Variants in CSTPP1 observed in about 807,000 individuals in gnomAD.
CSTPP1 encodes centriolar satellite-associated tubulin polyglutamylase complex regulator 1, also known as UPF0705 protein C11orf49.
the CSTPP1 span, among the ~76,000 whole-genome samples, chr11:46,989,776 GT>G: frequency 6.6e-6 from 1 of 151,046 alleles, no homozygotes; most frequent in South Asian, 2.1e-4. Flanking sequence ...CCAATAGGTA[GT>G]TTTTGACCCA....
the CSTPP1 span, among the ~76,000 whole-genome samples, chr11:47,114,714 G>A: frequency 6.6e-6 from 1 of 152,206 alleles, no homozygotes; most frequent in African/African-American, 2.4e-5. Context: ...TTGCTGATCA[G>A]CTTAAAGAGA....
At chr11:47,079,899 G>A in the CSTPP1 span, among the ~76,000 whole-genome samples, 1 of 149,792 alleles carries the variant, frequency 6.7e-6, no homozygotes, top group South Asian at 2.1e-4. Context: ...TTCGAGACCA[G>A]CCTGACCAAC....
chr11:47,029,583 T>G, the CSTPP1 span, among the ~76,000 whole-genome samples: 2 of 151,326 alleles, frequency 1.3e-5, no homozygotes, highest in Non-Finnish European at 1.5e-5. Context: ...GCCACTGCGC[T>G]CCAGCCTGGG....
chr11:47,064,586 C>T, the CSTPP1 span, among the ~76,000 whole-genome samples: 1 of 152,140 alleles, frequency 6.6e-6, no homozygotes, highest in Non-Finnish European at 1.5e-5. Flanking sequence ...CCTTTCTCCC[C>T]TTGAATGGTA....
the CSTPP1 span, among the ~76,000 whole-genome samples, chr11:47,103,055 T>C: frequency 1.4e-5 from 2 of 139,648 alleles, no homozygotes; most frequent in Non-Finnish European, 3.1e-5. Flanking sequence ...TTGGAGAGAG[T>C]GTGGCCCCAA....
At chr11:46,940,587 A>G in the CSTPP1 span, among the ~76,000 whole-genome samples, 1 of 152,186 alleles carries the variant, frequency 6.6e-6, no homozygotes, top group Non-Finnish European at 1.5e-5. Flanking sequence ...TTTTAAATGA[A>G]GTTGAGTGCC....
chr11:46,965,105 G>T, the CSTPP1 span, among the ~76,000 whole-genome samples: 1 of 151,696 alleles, frequency 6.6e-6, no homozygotes, highest in Non-Finnish European at 1.5e-5. Flanking sequence ...GGGACAAGTG[G>T]ACTACTTTCA....
the CSTPP1 span, among the ~76,000 whole-genome samples, chr11:47,072,632 C>A: frequency 1.3e-5 from 2 of 152,046 alleles, no homozygotes; most frequent in Admixed American, 6.6e-5. Context: ...TGACCAATAT[C>A]TTTTAAAATA....
the CSTPP1 span, among the ~76,000 whole-genome samples, chr11:47,024,669 C>T: frequency 6.6e-6 from 1 of 152,100 alleles, no homozygotes; most frequent in Non-Finnish European, 1.5e-5. Flanking sequence ...TAAGACCTCA[C>T]CTGACAAACA....
chr11:47,013,933 C>T, the CSTPP1 span, among the ~76,000 whole-genome samples: 1 of 152,144 alleles, frequency 6.6e-6, no homozygotes, highest in Non-Finnish European at 1.5e-5. Context: ...TAGCCAGGTG[C>T]AGTAGCTCAC....
the CSTPP1 span, chr11:47,161,005 C>T: frequency 2.3e-6 from 3 of 1,295,324 alleles, no homozygotes; most frequent in Admixed American, 6.0e-5. Context: ...GTCCTCAGAT[C>T]TTTAGATCGG....
the CSTPP1 span, among the ~76,000 whole-genome samples, chr11:47,044,430 G>A: frequency 6.6e-6 from 1 of 152,096 alleles, no homozygotes; most frequent in Non-Finnish European, 1.5e-5. Flanking sequence ...AGGCTGGAGC[G>A]CAGTCACGTG....
the CSTPP1 span, among the ~76,000 whole-genome samples, chr11:47,099,367 C>T: frequency 2.2e-4 from 33 of 152,288 alleles, no homozygotes; most frequent in East Asian, 1.5e-3. Flanking sequence ...AATGAAGACT[C>T]GCTCTTCTTG....
chr11:47,063,757 C>T, the CSTPP1 span, among the ~76,000 whole-genome samples: 4 of 152,066 alleles, frequency 2.6e-5, no homozygotes, highest in Non-Finnish European at 4.4e-5. Flanking sequence ...TCTACATTTT[C>T]GCTGTTGTAA....
At chr11:46,988,038 C>T in the CSTPP1 span, among the ~76,000 whole-genome samples, 5 of 152,152 alleles carry the variant, frequency 3.3e-5, no homozygotes, top group Non-Finnish European at 7.4e-5. Flanking sequence ...GTTACAATGG[C>T]TTGTATCCTA....
At chr11:47,058,853 C>T in the CSTPP1 span, among the ~76,000 whole-genome samples, 1 of 152,194 alleles carries the variant, frequency 6.6e-6, no homozygotes, top group African/African-American at 2.4e-5. Flanking sequence ...CACTGCATGA[C>T]AGGCTGGAAA....
At chr11:47,143,036 G>A in the CSTPP1 span, among the ~76,000 whole-genome samples, 1 of 152,134 alleles carries the variant, frequency 6.6e-6, no homozygotes, top group African/African-American at 2.4e-5. Context: ...AACCCACATG[G>A]CACTGGCTGC....
At chr11:46,958,736 C>T in the CSTPP1 span, among the ~76,000 whole-genome samples, 1 of 125,834 alleles carries the variant, frequency 7.9e-6, no homozygotes, top group Non-Finnish European at 1.9e-5. Flanking sequence ...TGGTGTAGTT[C>T]CGTCTGAGTT....
the CSTPP1 span, among the ~76,000 whole-genome samples, chr11:47,158,719 C>T: frequency 1.3e-5 from 2 of 152,020 alleles, no homozygotes; most frequent in Non-Finnish European, 2.9e-5. Context: ...GTTTTTTGTA[C>T]AGACTGGGTT....
Sources: allele counts gnomAD v4.1 joint callset (sites outside exome capture counted in the v4.1 genomes callset), GRCh38; gene constraint gnomAD v4.1.1; transcripts MANE v1.5; gene names NCBI Gene and HGNC (gene_info 2026-07-23, HGNC 2026-07-21).